Variants in SLC35F1 observed in about 807,000 individuals in gnomAD.
SLC35F1 encodes solute carrier family 35 member F1, also known as chromosome 6 open reading frame 169.
SLC35F1 carries 14 observed loss-of-function variants against 48.7 expected under a neutral mutation model. The ratio of observed to expected loss-of-function variants is 0.29; its 90% CI spans 0.19 to 0.45. The LOEUF (loss-of-function observed/expected upper bound fraction) is 0.45. Among genes scored for constraint, SLC35F1 ranks in the 20% least tolerant of loss-of-function variants. The pLI is 1.00. For synonymous variants in SLC35F1, 190 were observed against 202.2 expected (o/e 0.94, Z 0.51); for missense variants, 404 against 500.0 (o/e 0.81, Z 1.83).
At position 118,040,351 on chromosome 6, in the gene SLC35F1, G is replaced by T. The variant is rs190077341; in HGVS notation, c.174-114094G>T. 3.3e-4 allele frequency among the ~76,000 whole-genome samples: 51 copies of T among 152,288 alleles called. No homozygotes were observed. The East Asian group carries it at 9.5e-3, about 28-fold the overall frequency. ...GTGTTTCTCCAGGTTTTGTCTGCCT[G>T]CCCTAGTCGTTAGGTAGTGTTGTTG... On this transcript the variant is annotated intron_variant, in intron 1 of 7. Transcript: ENST00000360388.
intron 3 of SLC35F1, among the ~76,000 whole-genome samples, chr6:118,243,524 A>G (rs1775467216): frequency 6.6e-6 from 1 of 152,210 alleles, no homozygotes; most frequent in Non-Finnish European, 1.5e-5. Context: ...GAGGCAACCG[A>G]CAGCTACGTT....
intron 1 of SLC35F1, among the ~76,000 whole-genome samples, chr6:118,066,432 T>A (rs1772614475): frequency 6.6e-6 from 1 of 152,178 alleles, no homozygotes; most frequent in South Asian, 2.1e-4. Context: ...AGTCTTCAGT[T>A]GTACACCACA....
At position 117,923,602 on chromosome 6, in the gene SLC35F1, T is replaced by TAC. The variant is rs1562238417; in HGVS notation, c.173+15704_173+15705insCA. Among the ~76,000 whole-genome samples, 145 of 31,494 alleles carry TAC rather than the reference T, an allele frequency of 4.6e-3. 27 individuals carry two copies. Among genetic ancestry groups the TAC allele is most frequent in the African/African-American group, 0.029 (103 of 3,602 alleles). The allele number at this position is 31,494 out of a possible 152,430, so 20.7% of individuals were successfully genotyped here. A position where few individuals can be genotyped will look rare whatever the true frequency, so the allele number is the denominator to read the frequency against. ...GTGTGTGTATATATACATATGTGTATATATACATATACATATGTATATATA... is the reference window on the plus strand; with the variant it reads ...GTGTGTGTATATATACATATGTGTATACATATACATATACATATGTATATATA... On this transcript the variant is annotated intron_variant, in intron 1 of 7. Transcript: ENST00000360388.
chr6:118,287,155 C>T (rs542944908), intron 7 of SLC35F1, among the ~76,000 whole-genome samples: 24 of 152,306 alleles, frequency 1.6e-4, no homozygotes, highest in Non-Finnish European at 2.6e-4. Context: ...ATATTCCTCT[C>T]GTGCTGCTCC....
intron 1 of SLC35F1, among the ~76,000 whole-genome samples, chr6:118,083,135 A>G (rs1440827716): frequency 6.6e-6 from 1 of 152,202 alleles, no homozygotes; most frequent in East Asian, 1.9e-4. Flanking sequence ...GTCACACACT[A>G]GGCACTTCTG....
chr6:117,935,878 A>C (rs1776156952), intron 1 of SLC35F1, among the ~76,000 whole-genome samples: 1 of 152,194 alleles, frequency 6.6e-6, no homozygotes, highest in Non-Finnish European at 1.5e-5. Context: ...GAGTATTGAA[A>C]TGGGGTTATA....
rs1482137027 is a variant in SLC35F1, at chr6:118,144,626, AC to A, written c.174-9817del. 2.3e-3 allele frequency among the ~76,000 whole-genome samples: 334 copies of A among 143,830 alleles called. 1 individual carries two copies. Among genetic ancestry groups the A allele is most frequent in the Non-Finnish European group, 4.4e-3 (284 of 64,102 alleles). 94.4% of individuals were successfully genotyped at this position (143,830 alleles called of 152,430 possible). A position where few individuals can be genotyped will look rare whatever the true frequency, so the allele number is the denominator to read the frequency against. On this transcript the variant is annotated intron_variant, in intron 1 of 7. Transcript: ENST00000360388. Reference sequence around the variant, plus strand: ...ATTGAAAATGTTAAAAAAAAAAAAAACCTTACCTTGTCAGTTGTCTCTAAAG... The same window carrying A: ...ATTGAAAATGTTAAAAAAAAAAAAAACTTACCTTGTCAGTTGTCTCTAAAG...
At chr6:118,133,852 G>T (rs1773753346) in intron 1 of SLC35F1, among the ~76,000 whole-genome samples, 1 of 152,166 alleles carries the variant, frequency 6.6e-6, no homozygotes, top group African/African-American at 2.4e-5. Context: ...TTCTCAGGAG[G>T]CCCAGTGCCT....
At chr6:117,928,097 G>T (rs1362481399) in intron 1 of SLC35F1, among the ~76,000 whole-genome samples, 3 of 152,050 alleles carry the variant, frequency 2.0e-5, no homozygotes, top group African/African-American at 7.2e-5. Context: ...CCAGAAACAT[G>T]CTGCTTTGTG....
chr6:117,979,841 A>G (rs998535299), intron 1 of SLC35F1, among the ~76,000 whole-genome samples: 1 of 152,128 alleles, frequency 6.6e-6, no homozygotes, highest in Non-Finnish European at 1.5e-5. Context: ...GATGTTTTCA[A>G]TATTGGAGCC....
chr6:117,925,129 G>C (rs889719714), intron 1 of SLC35F1, among the ~76,000 whole-genome samples: 3 of 152,112 alleles, frequency 2.0e-5, no homozygotes, highest in African/African-American at 7.2e-5. Flanking sequence ...CCAAAGTCTT[G>C]CATTGGTTTT....
At chr6:118,085,482 C>CT (rs1772974405) in intron 1 of SLC35F1, among the ~76,000 whole-genome samples, 1 of 82,224 alleles carries the variant, frequency 1.2e-5, no homozygotes, top group Non-Finnish European at 2.5e-5. Flanking sequence ...TTTTTTCTTT[C>CT]TTTCCTTTTT....
chr6:118,052,476 CT>C (rs1271998295), intron 1 of SLC35F1, among the ~76,000 whole-genome samples: 1 of 152,084 alleles, frequency 6.6e-6, no homozygotes, highest in African/African-American at 2.4e-5. Flanking sequence ...ATAGGAACAT[CT>C]TAGAAAAGGT....
intron 3 of SLC35F1, among the ~76,000 whole-genome samples, chr6:118,252,340 C>G (rs1280421961): frequency 6.6e-6 from 1 of 151,758 alleles, no homozygotes; most frequent in Non-Finnish European, 1.5e-5. Flanking sequence ...GTAGATAAAG[C>G]CAATAGGATT....
At chr6:118,093,333 A>G (rs910792022) in intron 1 of SLC35F1, among the ~76,000 whole-genome samples, 3 of 152,058 alleles carry the variant, frequency 2.0e-5, no homozygotes, top group African/African-American at 7.2e-5. Context: ...AAAATTATAA[A>G]TGTGAGGACA....
At chr6:118,075,538 C>T (rs533542470) in intron 1 of SLC35F1, among the ~76,000 whole-genome samples, 44 of 152,308 alleles carry the variant, frequency 2.9e-4, no homozygotes, top group Middle Eastern at 3.4e-3. Flanking sequence ...ATTAGATACA[C>T]AAACAGCAGT....
intron 1 of SLC35F1, among the ~76,000 whole-genome samples, chr6:117,937,979 C>A (rs937987727): frequency 6.6e-6 from 1 of 152,088 alleles, no homozygotes; most frequent in Admixed American, 6.5e-5. Flanking sequence ...TACTTCAGGG[C>A]ATAATTTCTC....
intron 1 of SLC35F1, among the ~76,000 whole-genome samples, chr6:117,947,388 C>T (rs540897030): frequency 6.6e-6 from 1 of 152,232 alleles, no homozygotes; most frequent in African/African-American, 2.4e-5. Flanking sequence ...GCCCCGCAAA[C>T]CATTGTAAAG....
rs772688447 is a variant in SLC35F1 at position 118,314,009 on chromosome 6, T to C, written c.1003-19T>C. On this transcript the variant is annotated intron_variant, in intron 7 of 7. Coordinates refer to ENST00000360388, the MANE Select transcript of SLC35F1 (RefSeq NM_001029858.4). ...TTCTGCCCTGGCTGTCAAATGACTT[T>C]ACTGTTGTGTTTTTTTAGTTTTCAG... is the stretch of plus-strand genomic sequence containing the variant. 3 of 1,612,722 alleles carry C rather than the reference T, an allele frequency of 1.9e-6. No individual in the cohort carries two copies. In the Admixed American group the frequency reaches 5.0e-5, roughly 27 times the overall value.
Sources: allele counts gnomAD v4.1 joint callset (sites outside exome capture counted in the v4.1 genomes callset), GRCh38; gene constraint gnomAD v4.1.1; transcripts MANE v1.5; gene names NCBI Gene and HGNC (gene_info 2026-07-23, HGNC 2026-07-21).